Variants in CCDC146 observed in about 807,000 individuals in gnomAD.
CCDC146 encodes the protein coiled-coil domain-containing protein 146.
CCDC146 carries 92 observed loss-of-function variants against 119.3 expected under a neutral mutation model. That is an observed-to-expected ratio of 0.77 (90% CI 0.65 to 0.92). The LOEUF (loss-of-function observed/expected upper bound fraction) is 0.92, where lower values mean the gene tolerates loss of function less well. Ranked by LOEUF, CCDC146 falls within the 40% of genes least tolerant of loss-of-function variation. CCDC146 has a pLI of 0.00. For missense variants in CCDC146, 1,000 were observed against 1,103.0 expected, an observed-to-expected ratio of 0.91 and a Z score of 1.32; for synonymous variants, 372 against 371.8, an observed-to-expected ratio of 1.00 and a Z score of -0.01.
At chr7:77,280,022 C>A (rs547151122) in intron 13 of CCDC146, among the ~76,000 whole-genome samples, 11 of 152,178 alleles carry the variant, frequency 7.2e-5, no homozygotes, top group Non-Finnish European at 1.3e-4. Context: ...TTTATAGAGG[C>A]CATGCATTCA....
At chr7:77,127,816 C>T (rs71540938) in intron 1 of CCDC146, among the ~76,000 whole-genome samples, 1 of 151,964 alleles carries the variant, frequency 6.6e-6, no homozygotes, top group African/African-American at 2.4e-5. Flanking sequence ...CATCCATATC[C>T]CTTAACTGTG....
chr7:77,212,064 G>C (rs1161304017), intron 2 of CCDC146, among the ~76,000 whole-genome samples: 1 of 152,076 alleles, frequency 6.6e-6, no homozygotes, highest in Non-Finnish European at 1.5e-5. Context: ...TTCAAAAAAT[G>C]AATTATATGC....
chr7:77,154,249 T>G (rs1231611443), intron 1 of CCDC146, among the ~76,000 whole-genome samples: 1 of 152,160 alleles, frequency 6.6e-6, no homozygotes, highest in East Asian at 1.9e-4. Context: ...TTTTTACATT[T>G]GTCAAAACTC....
intron 2 of CCDC146, among the ~76,000 whole-genome samples, chr7:77,225,509 A>T (rs1792492358): frequency 6.6e-6 from 1 of 151,554 alleles, no homozygotes; most frequent in Non-Finnish European, 1.5e-5. Context: ...AGTTATGATT[A>T]CACCACTGTA....
chr7:77,260,690 G>A (rs1302487736), intron 8 of CCDC146, among the ~76,000 whole-genome samples: 3 of 152,128 alleles, frequency 2.0e-5, no homozygotes, highest in Non-Finnish European at 2.9e-5. Flanking sequence ...GCAGTGGCAC[G>A]ATCTTGGCTC....
At chr7:77,158,100 CT>C (rs1791203759) in intron 1 of CCDC146, among the ~76,000 whole-genome samples, 1 of 152,154 alleles carries the variant, frequency 6.6e-6, no homozygotes, top group Non-Finnish European at 1.5e-5. Flanking sequence ...CTACCAGTTA[CT>C]TTTTCAGCCC....
intron 11 of CCDC146, among the ~76,000 whole-genome samples, 176 bp from the exon 12 acceptor site, chr7:77,278,576 G>C (rs1283646564): frequency 1.3e-5 from 2 of 151,202 alleles, no homozygotes; most frequent in Admixed American, 1.3e-4. Flanking sequence ...CTCCTGAGTA[G>C]CTGGGACTAC....
At chr7:77,273,506 TTTTATTTATTTATTTA>T (rs150662330) in intron 9 of CCDC146, among the ~76,000 whole-genome samples, 172 bp from the exon 10 acceptor site, 1 of 149,618 alleles carries the variant, frequency 6.7e-6, no homozygotes, top group Non-Finnish European at 1.5e-5. Context: ...CAGCAGTGAA[TTTTATTTATTTATTTA>T]TTTATTTATT....
chr7:77,199,829 A>G, intron 2 of CCDC146: 6 of 1,592,812 alleles, frequency 3.8e-6, no homozygotes, highest in Non-Finnish European at 5.1e-6. Flanking sequence ...GGGAGTGCGC[A>G]GGGCTGGAGC....
intron 9 of CCDC146, among the ~76,000 whole-genome samples, chr7:77,266,204 A>G (rs1281977815): frequency 3.9e-5 from 6 of 152,090 alleles, no homozygotes; most frequent in Non-Finnish European, 2.9e-5. Context: ...CAATGACAAA[A>G]TCCTCTTACC....
chr7:77,254,674 CT>C (rs2150506559), intron 5 of CCDC146, 111 bp downstream of exon 5: 1 of 590,536 alleles, frequency 1.7e-6, no homozygotes, highest in Non-Finnish European at 2.9e-6. Flanking sequence ...TTTAAAGACT[CT>C]AAAGTCTTAA....
At chr7:77,136,409 A>G (rs1027949784) in intron 1 of CCDC146, among the ~76,000 whole-genome samples, 31 of 152,190 alleles carry the variant, frequency 2.0e-4, no homozygotes, top group Admixed American at 1.8e-3. Context: ...AAAAGACAGA[A>G]GACACAAATT....
intron 1 of CCDC146, among the ~76,000 whole-genome samples, chr7:77,144,037 C>T (rs1234233807): frequency 6.6e-6 from 1 of 151,770 alleles, no homozygotes; most frequent in Non-Finnish European, 1.5e-5. Context: ...ATTAATTCTT[C>T]CTATCCATGA....
At chr7:77,287,038 G>T in intron 16 of CCDC146, 112 bp downstream of exon 16, 1 of 1,151,496 alleles carries the variant, frequency 8.7e-7, no homozygotes, top group South Asian at 1.4e-5. Flanking sequence ...CATTATTCTA[G>T]TCACTAATAT....
At chr7:77,147,410 C>T (rs1160096301) in intron 1 of CCDC146, among the ~76,000 whole-genome samples, 8 of 152,244 alleles carry the variant, frequency 5.3e-5, no homozygotes, top group Non-Finnish European at 7.3e-5. Context: ...TCTCTCAACT[C>T]GTCAAAGTCA....
chr7:77,200,686 C>T (rs1039135260), intron 2 of CCDC146, among the ~76,000 whole-genome samples: 12 of 152,332 alleles, frequency 7.9e-5, no homozygotes, highest in African/African-American at 2.9e-4. Context: ...TCTGTCTCCA[C>T]GCTGGTTCTT....
intron 13 of CCDC146, 151 bp from the exon 14 acceptor site, chr7:77,280,278 A>G (rs1793739475): frequency 5.0e-6 from 3 of 599,960 alleles, no homozygotes; most frequent in Non-Finnish European, 8.6e-6. Flanking sequence ...GAAGAGTATC[A>G]TAAGATGAAT....
At chr7:77,173,738 A>C (rs1446432726) in intron 2 of CCDC146, among the ~76,000 whole-genome samples, 2 of 152,146 alleles carry the variant, frequency 1.3e-5, no homozygotes, top group African/African-American at 2.4e-5. Context: ...ATTGCTGCGT[A>C]ACTATGAGGC....
intron 1 of CCDC146, among the ~76,000 whole-genome samples, chr7:77,127,366 A>G (rs1043414391): frequency 1.6e-4 from 25 of 152,152 alleles, no homozygotes; most frequent in African/African-American, 5.1e-4. Context: ...ACCGTCCAGG[A>G]GGGTGGGGCT....
Sources: gnomAD v4.1 joint callset for allele counts (sites outside exome capture counted in the v4.1 genomes callset) on GRCh38, gnomAD v4.1.1 for gene constraint, MANE v1.5 for transcripts, NCBI Gene and HGNC (gene_info 2026-07-23, HGNC 2026-07-21) for gene names.